Variants in WSB2 observed in about 807,000 individuals in gnomAD.
The protein encoded by WSB2 is WD repeat and SOCS box containing 2, also known as WD repeat and SOCS box-containing protein 2.
WSB2 carries 12 observed loss-of-function variants against 48.8 expected under a neutral mutation model. That is an observed-to-expected ratio of 0.25 (90% CI 0.16 to 0.40). The LOEUF is 0.40. Among genes scored for constraint, WSB2 ranks in the 10% least tolerant of loss-of-function variants. The pLI, the probability that WSB2 is intolerant of heterozygous loss-of-function variation, is 1.00. For synonymous variants in WSB2, 191 were observed against 203.1 expected (o/e 0.94, Z 0.51); for missense variants, 317 against 506.2 (o/e 0.63, Z 3.59).
intron 2 of WSB2, among the ~76,000 whole-genome samples, chr12:118,046,759 G>A (rs1363205760): frequency 6.6e-6 from 1 of 152,058 alleles, no homozygotes; most frequent in Non-Finnish European, 1.5e-5. Flanking sequence ...CCTGATTTCT[G>A]TATTTGTTTT....
Position 118,060,955 on chromosome 12 carries a change from C to A in WSB2, c.13+81G>T, listed in dbSNP as rs1012472398. ...CCCCGCCCCACCCCGCCCAGCCCGCCCCGGGGTCGCCTCCCCCCTCCCCGG... is the reference window on the plus strand; with the variant it reads ...CCCCGCCCCACCCCGCCCAGCCCGCACCGGGGTCGCCTCCCCCCTCCCCGG... On this transcript the variant is annotated intron_variant, in intron 1 of 8. Transcript: ENST00000315436. The surrounding 1 kb of genome is among the most constrained non-coding windows in gnomAD (Gnocchi z 4.1). The A allele has an allele frequency of 1.4e-6, 1 of 705,138 alleles. No homozygotes were observed. The highest frequency in any genetic ancestry group is 6.3e-5 in the Admixed American group (1 of 15,882). The allele number at this position is 705,138 out of a possible 1,614,324, so 43.7% of individuals were successfully genotyped here.
intron 2 of WSB2, among the ~76,000 whole-genome samples, chr12:118,051,498 A>G (rs1362484403): frequency 1.3e-5 from 2 of 152,230 alleles, no homozygotes; most frequent in Non-Finnish European, 2.9e-5. Flanking sequence ...ATGTAAAATG[A>G]AAGGAGCTAG....
chr12:118,045,364 C>CA (rs556626593), intron 2 of WSB2, among the ~76,000 whole-genome samples: 4,259 of 129,492 alleles, frequency 0.033, 204 homozygotes, highest in African/African-American at 0.11. Flanking sequence ...GACTCCATCT[C>CA]AAAAAAAAAA....
rs761490694 is a variant in WSB2 at position 118,036,468 on chromosome 12, G to T, written c.703C>A (p.Leu235Ile). The change falls in exon 6 of 9, where the codon CTA (leucine) becomes ATA (isoleucine). Residue 235 changes from leucine (L) to isoleucine (I), a missense_variant. Coordinates refer to ENST00000315436, the MANE Select transcript of WSB2 (RefSeq NM_018639.5). ...SMRSYTLIRK[L>I]EGHQSSVVSC... ...ACAACACTGCTTTGATGGCCCTCTAGCTTCCGAATTAACGTGTAGGACCTC... is the reference window on the plus strand; with the variant it reads ...ACAACACTGCTTTGATGGCCCTCTATCTTCCGAATTAACGTGTAGGACCTC... 6.2e-7 allele frequency: 1 copy of T among 1,614,176 alleles called. No homozygotes were observed. The highest frequency in any genetic ancestry group is 8.5e-7 in the Non-Finnish European group (1 of 1,180,022).
At chr12:118,054,215 TCCAAAA>T (rs1471434689) in intron 1 of WSB2, among the ~76,000 whole-genome samples, 26 of 22,800 alleles carry the variant, frequency 1.1e-3, no homozygotes, top group African/African-American at 3.9e-3. Flanking sequence ...CTACTAAAAA[TCCAAAA>T]AAAAAAAAAA....
chr12:118,038,445 AGAACGGGAGAACTGGG>A (rs1490293887), intron 4 of WSB2, 57 bp from the exon 5 acceptor site: 11 of 1,530,330 alleles, frequency 7.2e-6, no homozygotes, highest in Non-Finnish European at 9.9e-6. Flanking sequence ...GGAAGACTGG[AGAACGGGAGAACTGGG>A]GTGGTAACAG....
chr12:118,062,066 A>G, upstream of WSB2: 2 of 1,532,036 alleles, frequency 1.3e-6, no homozygotes, highest in Non-Finnish European at 1.7e-6. Flanking sequence ...ACGGGGCAGG[A>G]GCGATTCGGA....
intron 5 of WSB2, chr12:118,037,757 A>C (rs1396617981): frequency 2.0e-5 from 3 of 152,262 alleles, no homozygotes; most frequent in African/African-American, 7.3e-5. Flanking sequence ...CAAATGGTGA[A>C]CTCTCAACCT....
chr12:118,057,341 C>A (rs1057189909), intron 1 of WSB2, among the ~76,000 whole-genome samples: 1 of 152,036 alleles, frequency 6.6e-6, no homozygotes, highest in African/African-American at 2.4e-5. Flanking sequence ...GTGGCGCCAT[C>A]TCGGCTCATT....
chr12:118,059,811 T>C (rs375180176), intron 1 of WSB2, among the ~76,000 whole-genome samples: 7 of 152,190 alleles, frequency 4.6e-5, no homozygotes, highest in African/African-American at 1.2e-4. Flanking sequence ...AAAGCCCTTA[T>C]CTAGATGGGA....
chr12:118,042,932 C>T lies in WSB2; in HGVS notation c.468G>A (p.Val156=). 1 of 1,614,198 alleles carries T rather than the reference C, an allele frequency of 6.2e-7. No homozygotes were observed. Among genetic ancestry groups the T allele is most frequent in the Non-Finnish European group, 8.5e-7 (1 of 1,180,052 alleles). ...CACTGGGTGTGAAGCTCAGATCTCT[C>T]ACGACATCTTGGTGGCCGGAAAGAT... ...LLNLSGHQDV[V]RDLSFTPSGS... Residue 156 remains valine, a synonymous_variant, in exon 4 of 9, where the codon GTG becomes GTA. Transcript: ENST00000315436.
At chr12:118,042,508 T>G (rs1222994629) in intron 4 of WSB2, 1 of 249,030 alleles carries the variant, frequency 4.0e-6, no homozygotes. Flanking sequence ...GGGTACAAAC[T>G]AGTTCTTGGT....
At chr12:118,051,269 G>A (rs2031847439) in intron 2 of WSB2, among the ~76,000 whole-genome samples, 1 of 152,100 alleles carries the variant, frequency 6.6e-6, no homozygotes, top group South Asian at 2.1e-4. Flanking sequence ...CAGCCACTCT[G>A]GAAAACAGTC....
At chr12:118,059,963 A>C (rs1643149146) in intron 1 of WSB2, among the ~76,000 whole-genome samples, 1 of 152,206 alleles carries the variant, frequency 6.6e-6, no homozygotes, top group South Asian at 2.1e-4. Context: ...CAGCAATCAG[A>C]ACCCTCCAGA....
At position 118,060,282 on chromosome 12, in the gene WSB2, T is replaced by C. The variant is rs75356056; in HGVS notation, c.13+754A>G. Reference sequence around the variant, plus strand: ...GGGCTGGCTTGAGGTATATCCAATATCCTCTGACTTCCACGCTGTCTTCTG... The same window carrying C: ...GGGCTGGCTTGAGGTATATCCAATACCCTCTGACTTCCACGCTGTCTTCTG... On this transcript the variant is annotated intron_variant, in intron 1 of 8. Transcript: ENST00000315436. This position sits in a 1 kb window ranked among gnomAD's most constrained non-coding sequence, Gnocchi z 4.1. Among the ~76,000 whole-genome samples, 2 of 151,958 alleles carry C rather than the reference T, an allele frequency of 1.3e-5. No homozygotes were observed. The highest frequency in any genetic ancestry group is 2.4e-5 in the African/African-American group (1 of 41,372).
At chr12:118,036,146 G>A (rs1039484698) in intron 6 of WSB2, 192 bp downstream of exon 6, 1 of 596,110 alleles carries the variant, frequency 1.7e-6, no homozygotes, top group Non-Finnish European at 2.8e-6. Flanking sequence ...AGGTTGCAGT[G>A]ATCCAAGATT....
chr12:118,039,427 G>T (rs2031581702), intron 4 of WSB2, among the ~76,000 whole-genome samples: 1 of 152,154 alleles, frequency 6.6e-6, no homozygotes, highest in Non-Finnish European at 1.5e-5. Flanking sequence ...GAGATGCAGG[G>T]AAAAATCGTG....
chr12:118,048,100 A>C lies in WSB2; in HGVS notation c.182+4210T>G, dbSNP rs151264861. 7.1e-3 allele frequency among the ~76,000 whole-genome samples: 1,081 copies of C among 152,092 alleles called. 15 individuals carry two copies. The highest frequency in any genetic ancestry group is 0.025 in the African/African-American group (1,022 of 41,506). The stretch of plus-strand genomic sequence containing the variant: ...TGCCACCACGCCAGGCTAATTTTTA[A>C]AACTTTTTTGTAGAAACCAAGTCTT... On this transcript the variant is annotated intron_variant, in intron 2 of 8. Coordinates refer to ENST00000315436, the MANE Select transcript of WSB2 (RefSeq NM_018639.5).
rs2031667209 is a variant in WSB2, at chr12:118,042,910, T to C, written c.490A>G (p.Ser164Gly). 1.2e-6 allele frequency: 2 copies of C among 1,614,150 alleles called. No individual in the cohort carries two copies. Among genetic ancestry groups the C allele is most frequent in the East Asian group, 2.2e-5 (1 of 44,882 alleles). The part of the protein sequence containing the change: ...DVVRDLSFTP[S>G]GSLILVSASR... ...GCGGAGACCAAAATCAAACTGCCAC[T>C]GGGTGTGAAGCTCAGATCTCTCACG... Residue 164 changes from serine to glycine, a missense_variant, in exon 4 of 9, where the codon AGT (serine) becomes GGT (glycine). Transcript: ENST00000315436.
Sources: gnomAD v4.1 joint callset for allele counts (sites outside exome capture counted in the v4.1 genomes callset) on GRCh38, gnomAD v4.1.1 for gene constraint, Gnocchi (gnomAD v3.1) non-coding constraint, MANE v1.5 for transcripts, NCBI Gene and HGNC (gene_info 2026-07-23, HGNC 2026-07-21) for gene names.